The following EPHA6 variants were observed in gnomAD, a reference collection of about 807,000 sequenced individuals.
EPHA6 encodes ephrin type-A receptor 6.
Under a neutral mutation model 112.0 loss-of-function variants are expected in EPHA6, and 50 were observed. That is an observed-to-expected ratio of 0.45 (90% CI 0.36 to 0.56). The LOEUF is 0.56. Among genes scored for constraint, EPHA6 ranks in the 20% least tolerant of loss-of-function variants. The probability of loss-of-function intolerance (pLI) is 0.00; values close to 1 mark genes in which losing one functional copy is unlikely to be tolerated. For synonymous variants in EPHA6, 529 were observed against 490.7 expected, an observed-to-expected ratio of 1.08 and a Z score of -1.03; for missense variants, 1,280 against 1,417.4, an observed-to-expected ratio of 0.90 and a Z score of 1.56.
chr3:96,949,313 A>G (rs76818244), intron 2 of EPHA6, among the ~76,000 whole-genome samples: 6,201 of 152,270 alleles, frequency 0.041, 169 homozygotes, highest in Middle Eastern at 0.071. Context: ...GGTGTGCAGC[A>G]TATAAAAAGG....
At chr3:97,548,535 G>A (rs897078620) in intron 11 of EPHA6, among the ~76,000 whole-genome samples, 1 of 151,948 alleles carries the variant, frequency 6.6e-6, no homozygotes, top group Non-Finnish European at 1.5e-5. Context: ...TTTGAATGTT[G>A]ATTTTCCTAT....
At chr3:97,300,195 A>G (rs538242644) in intron 5 of EPHA6, among the ~76,000 whole-genome samples, 7 of 152,236 alleles carry the variant, frequency 4.6e-5, no homozygotes, top group Admixed American at 3.3e-4. Flanking sequence ...TCTAAACTGA[A>G]TGGAGAAAAG....
chr3:97,226,534 C>T, intron 4 of EPHA6, 115 bp downstream of exon 4: 5 of 944,708 alleles, frequency 5.3e-6, no homozygotes, highest in Non-Finnish European at 7.9e-6. Flanking sequence ...TGCCATTTGT[C>T]TGTGATAACA....
chr3:97,120,636 C>A (rs1237905960), intron 3 of EPHA6, among the ~76,000 whole-genome samples: 1 of 151,780 alleles, frequency 6.6e-6, no homozygotes, highest in Non-Finnish European at 1.5e-5. Context: ...TTAAAAATTC[C>A]TATTTCTTTT....
intron 1 of EPHA6, among the ~76,000 whole-genome samples, chr3:96,855,153 CTCTG>C (rs2035619859): frequency 6.6e-6 from 1 of 152,156 alleles, no homozygotes; most frequent in Non-Finnish European, 1.5e-5. Flanking sequence ...TCCACTAGTT[CTCTG>C]TCTCTCTCTT....
intron 9 of EPHA6, among the ~76,000 whole-genome samples, chr3:97,480,626 A>C (rs912000870): frequency 6.6e-5 from 10 of 152,350 alleles, no homozygotes; most frequent in African/African-American, 2.4e-4. Context: ...TCCTATGTCT[A>C]ATTCTTTCTA....
intron 5 of EPHA6, among the ~76,000 whole-genome samples, chr3:97,249,861 A>G (rs902963828): frequency 5.3e-5 from 8 of 152,194 alleles, no homozygotes; most frequent in Non-Finnish European, 1.2e-4. Flanking sequence ...TTCTGGCAAG[A>G]ACTGTTCTGT....
chr3:96,834,341 A>G (rs2034271039), intron 1 of EPHA6, among the ~76,000 whole-genome samples: 1 of 152,032 alleles, frequency 6.6e-6, no homozygotes, highest in African/African-American at 2.4e-5. Context: ...GTAGCTGGAG[A>G]ATTAAGGAAA....
At chr3:97,306,683 C>T (rs1476873333) in intron 5 of EPHA6, among the ~76,000 whole-genome samples, 2 of 151,786 alleles carry the variant, frequency 1.3e-5, no homozygotes, top group African/African-American at 4.8e-5. Context: ...AGTTTCTGTT[C>T]CTTTCAATTT....
At chr3:97,249,831 A>G (rs769179951) in intron 5 of EPHA6, among the ~76,000 whole-genome samples, 2 of 152,220 alleles carry the variant, frequency 1.3e-5, no homozygotes, top group Non-Finnish European at 2.9e-5. Flanking sequence ...TCATTAAAAA[A>G]TATTTATTGA....
chr3:96,854,003 T>TA (rs1372059729), intron 1 of EPHA6, among the ~76,000 whole-genome samples: 2 of 151,908 alleles, frequency 1.3e-5, no homozygotes, highest in Admixed American at 6.6e-5. Flanking sequence ...CCAGAATACT[T>TA]AAAGTATTCT....
intron 2 of EPHA6, among the ~76,000 whole-genome samples, chr3:96,972,458 C>G (rs932453901): frequency 3.2e-4 from 47 of 146,580 alleles, no homozygotes; most frequent in African/African-American, 1.1e-3. Context: ...CACACACACA[C>G]ACACGTATTT....
At chr3:97,552,630 C>T (rs2093044816) in intron 11 of EPHA6, among the ~76,000 whole-genome samples, 1 of 152,124 alleles carries the variant, frequency 6.6e-6, no homozygotes, top group South Asian at 2.1e-4. Flanking sequence ...AGTTTAGAAC[C>T]TTGATAAGCC....
chr3:97,733,267 G>A (rs1415758818), intron 15 of EPHA6, among the ~76,000 whole-genome samples: 3 of 152,030 alleles, frequency 2.0e-5, no homozygotes, highest in Non-Finnish European at 2.9e-5. Context: ...ACAAGAAGCT[G>A]GGTTTTGGTC....
intron 14 of EPHA6, among the ~76,000 whole-genome samples, chr3:97,657,655 A>G (rs1279208575): frequency 2.0e-5 from 3 of 151,892 alleles, no homozygotes; most frequent in Non-Finnish European, 1.5e-5. Context: ...AGAATGTTAT[A>G]AGAACGAACA....
In EPHA6 at chr3:97,116,949, C is replaced by A. The variant is rs559791118; in HGVS notation, c.1115-109315C>A. Among the ~76,000 whole-genome samples, 3 of 151,694 alleles carry A rather than the reference C, an allele frequency of 2.0e-5. No individual in the cohort carries two copies. The South Asian group carries it at 6.2e-4, about 32-fold the overall frequency. On this transcript the variant is annotated intron_variant, in intron 3 of 17. Coordinates refer to ENST00000389672, the MANE Select transcript of EPHA6 (RefSeq NM_001080448.3). The stretch of plus-strand genomic sequence containing the variant: ...ATTATTTATTAATTTACATGTCTAC[C>A]AAAGTGTTCAACAGTTACCTTTTCT...
intron 5 of EPHA6, among the ~76,000 whole-genome samples, chr3:97,371,868 A>G (rs1351141839): frequency 2.0e-5 from 3 of 152,136 alleles, no homozygotes; most frequent in African/African-American, 7.2e-5. Flanking sequence ...AAGGGATGAA[A>G]TAAGTCCCGG....
intron 2 of EPHA6, among the ~76,000 whole-genome samples, chr3:96,876,358 C>T (rs2036949502): frequency 6.6e-6 from 1 of 151,776 alleles, no homozygotes; most frequent in African/African-American, 2.4e-5. Context: ...CAGCCTATAT[C>T]ATCAGCTTCA....
chr3:97,095,025 G>A (rs1042329468), intron 3 of EPHA6, among the ~76,000 whole-genome samples: 7 of 152,034 alleles, frequency 4.6e-5, no homozygotes, highest in East Asian at 1.9e-4. Context: ...GATCCCCATC[G>A]CCTATGATTA....
Sources: gnomAD v4.1 joint callset for allele counts (sites outside exome capture counted in the v4.1 genomes callset) on GRCh38, gnomAD v4.1.1 for gene constraint, MANE v1.5 for transcripts, NCBI Gene and HGNC (gene_info 2026-07-23, HGNC 2026-07-21) for gene names.